The following RAB7B variants were observed in gnomAD, a reference collection of about 807,000 sequenced individuals.
RAB7B encodes RAB7B, member RAS oncogene family, also known as ras-related protein Rab-7b.
At chr1:205,987,935 G>A (rs1026481943) in intron 4 of RAB7B, among the ~76,000 whole-genome samples, 1 of 151,772 alleles carries the variant, frequency 6.6e-6, no homozygotes, top group Non-Finnish European at 1.5e-5. Flanking sequence ...GGAGAGATGG[G>A]GGTCTCACTA....
At chr1:205,988,404 T>C (rs1038254727) in intron 4 of RAB7B, among the ~76,000 whole-genome samples, 3 of 151,910 alleles carry the variant, frequency 2.0e-5, no homozygotes, top group African/African-American at 4.8e-5. Context: ...TTAAAAAAAA[T>C]TTTTTTCTTT....
At position 205,993,161 on chromosome 1, in the gene RAB7B, C is replaced by T. The variant is rs1026546720; in HGVS notation, c.180+259G>A. Among the ~76,000 whole-genome samples the T allele has an allele frequency of 7.0e-3, 1,071 of 152,206 alleles. 13 individuals are homozygous for T. Among genetic ancestry groups the T allele is most frequent in the African/African-American group, 0.025 (1,020 of 41,502 alleles). On this transcript the variant is annotated intron_variant, in intron 3 of 5. Coordinates refer to ENST00000617070, the MANE Select transcript of RAB7B (RefSeq NM_001164522.3). ...TTTTAGGCTTTGCAGGTCATTCTGTCTCTATATGCCAATTATTACTCAACT... is the reference window on the plus strand; with the variant it reads ...TTTTAGGCTTTGCAGGTCATTCTGTTTCTATATGCCAATTATTACTCAACT...
chr1:205,997,192 T>C (rs1384707723), intron 1 of RAB7B, among the ~76,000 whole-genome samples: 1 of 152,168 alleles, frequency 6.6e-6, no homozygotes, highest in South Asian at 2.1e-4. Context: ...AATGCCTACA[T>C]GCCTACCACA....
rs1660577433 is a variant in RAB7B, at chr1:205,985,581, C to T, written c.481G>A (p.Val161Met). The change falls in exon 5 of 6, where the codon GTG becomes ATG. Residue 161 changes from valine (V) to methionine (M), a missense_variant. By Grantham distance (21) the Val-to-Met change is conservative. Coordinates refer to ENST00000617070, the MANE Select transcript of RAB7B (RefSeq NM_001164522.3). Reference sequence around the variant, plus strand: ...CTGGCCAGCATCTCAAACGCTTGCACCACATTGATGTCATTCTTGGCACTG... The same window carrying T: ...CTGGCCAGCATCTCAAACGCTTGCATCACATTGATGTCATTCTTGGCACTG... ...EVSAKNDINV[V>M]QAFEMLASRA... 5 of 398,890 alleles carry T rather than the reference C, an allele frequency of 1.3e-5. No individual in the cohort carries two copies. Among genetic ancestry groups the T allele is most frequent in the Non-Finnish European group, 2.2e-5 (5 of 226,298 alleles). 24.7% of individuals were successfully genotyped at this position (398,890 alleles called of 1,614,324 possible).
intron 3 of RAB7B, 66 bp downstream of exon 3, chr1:205,993,354 G>A: frequency 2.5e-6 from 1 of 397,282 alleles, no homozygotes. Context: ...TACATGAGTG[G>A]CTGTCCGGGC....
intron 4 of RAB7B, among the ~76,000 whole-genome samples, chr1:205,987,781 A>AT (rs1257103822): frequency 0.016 from 2,359 of 151,752 alleles, 64 homozygotes; most frequent in African/African-American, 0.053. Context: ...AGGAACAGGG[A>AT]TTTTTTTTTA....
intron 1 of RAB7B, among the ~76,000 whole-genome samples, chr1:205,998,555 G>T (rs1660843919): frequency 6.6e-6 from 1 of 152,194 alleles, no homozygotes; most frequent in Admixed American, 6.5e-5. Flanking sequence ...GATACAGTGG[G>T]GGTGGAGAGA....
At chr1:205,990,570 A>G (rs1196733635) in intron 4 of RAB7B, among the ~76,000 whole-genome samples, 1 of 152,152 alleles carries the variant, frequency 6.6e-6, no homozygotes, top group Non-Finnish European at 1.5e-5. Context: ...GGGGCTGGCT[A>G]AATCCCACTT....
At chr1:206,000,534 T>G (rs1325474527) in intron 1 of RAB7B, among the ~76,000 whole-genome samples, 1 of 152,232 alleles carries the variant, frequency 6.6e-6, no homozygotes, top group Non-Finnish European at 1.5e-5. Context: ...GGGGCGTCTG[T>G]TCCCTCATGG....
chr1:205,979,357 A>G (rs1259067061), intron 5 of RAB7B, among the ~76,000 whole-genome samples: 1 of 152,106 alleles, frequency 6.6e-6, no homozygotes, highest in Non-Finnish European at 1.5e-5. Flanking sequence ...ACTCATGCCT[A>G]GAAAAGCCCA....
intron 4 of RAB7B, among the ~76,000 whole-genome samples, chr1:205,990,725 C>T (rs1441450618): frequency 6.6e-6 from 1 of 151,680 alleles, no homozygotes; most frequent in Non-Finnish European, 1.5e-5. Context: ...CAGGAGTGAC[C>T]CACAGAAGAA....
At chr1:205,980,304 A>G (rs914322939) in intron 5 of RAB7B, among the ~76,000 whole-genome samples, 2 of 152,210 alleles carry the variant, frequency 1.3e-5, no homozygotes, top group African/African-American at 2.4e-5. Flanking sequence ...TTTTCATGCT[A>G]GTGTTGCCCT....
intron 1 of RAB7B, among the ~76,000 whole-genome samples, chr1:205,999,370 A>G (rs1248073453): frequency 6.6e-6 from 1 of 152,250 alleles, no homozygotes; most frequent in Non-Finnish European, 1.5e-5. Context: ...GTAAGCTTTG[A>G]AAAGATACTC....
At chr1:205,992,265 A>G (rs968364319) in intron 4 of RAB7B, among the ~76,000 whole-genome samples, 46 of 152,304 alleles carry the variant, frequency 3.0e-4, no homozygotes, top group African/African-American at 1.0e-3. Context: ...TGCCCAAGGT[A>G]TATCTCTATT....
chr1:206,001,347 C>T (rs938762331), intron 1 of RAB7B, among the ~76,000 whole-genome samples: 1 of 151,678 alleles, frequency 6.6e-6, no homozygotes, highest in South Asian at 2.1e-4. Flanking sequence ...TTTAAAGAAG[C>T]GTAGGACTAT....
chr1:205,987,933 G>A lies in RAB7B; in HGVS notation c.397-2268C>T, dbSNP rs1209828733. Among the ~76,000 whole-genome samples, 7 of 151,872 alleles carry A rather than the reference G, an allele frequency of 4.6e-5. No homozygotes were observed. In the South Asian group the frequency reaches 6.2e-4, roughly 14 times the overall value. On this transcript the variant is annotated intron_variant, in intron 4 of 5. Coordinates refer to ENST00000617070, the MANE Select transcript of RAB7B (RefSeq NM_001164522.3). ...TGTTTTGTTTTGTTTTTGGAGAGAT[G>A]GGGGTCTCACTATGCTGCCCAGGTT...
In RAB7B at chr1:205,978,050, G is replaced by C. The variant is rs1000764932; in HGVS notation, c.*801C>G. The stretch of plus-strand genomic sequence containing the variant: ...TCAATGCATCGTACATAGTAGATAC[G>C]CAAAAATAAACTTGTCAAAGAAGTA... On this transcript the variant is annotated 3_prime_UTR_variant, in exon 6 of 6. Coordinates refer to ENST00000617070, the MANE Select transcript of RAB7B (RefSeq NM_001164522.3). 4 of 152,202 alleles carry C rather than the reference G, an allele frequency of 2.6e-5. No homozygotes were observed. The highest frequency in any genetic ancestry group is 4.8e-5 in the African/African-American group (2 of 41,448). The allele number at this position is 152,202 out of a possible 1,614,324, so 9.4% of individuals were successfully genotyped here.
chr1:205,988,821 G>A (rs1660664685), intron 4 of RAB7B, among the ~76,000 whole-genome samples: 1 of 152,176 alleles, frequency 6.6e-6, no homozygotes, highest in African/African-American at 2.4e-5. Flanking sequence ...CGCCTCACAA[G>A]AACGTACCTC....
At chr1:205,999,131 G>A (rs1255154710) in intron 1 of RAB7B, among the ~76,000 whole-genome samples, 2 of 152,210 alleles carry the variant, frequency 1.3e-5, no homozygotes, top group African/African-American at 4.8e-5. Flanking sequence ...GCCCCTGTTA[G>A]AGAGCTCAGG....
Sources: gnomAD v4.1 joint callset for allele counts (sites outside exome capture counted in the v4.1 genomes callset) on GRCh38, gnomAD v4.1.1 for gene constraint, MANE v1.5 for transcripts, NCBI Gene and HGNC (gene_info 2026-07-23, HGNC 2026-07-21) for gene names.